Variants in TRPM7 observed in about 807,000 individuals in gnomAD.
The protein encoded by TRPM7 is transient receptor potential cation channel subfamily M member 7.
TRPM7 carries 134 observed loss-of-function variants against 229.7 expected under a neutral mutation model. That is an observed-to-expected ratio of 0.58 (90% CI 0.51 to 0.67). The LOEUF (loss-of-function observed/expected upper bound fraction) is 0.67, where lower values mean the gene tolerates loss of function less well. TRPM7 is among the 30% of genes least tolerant of loss of function. The pLI, the probability that TRPM7 is intolerant of heterozygous loss-of-function variation, is 0.00. For synonymous variants in TRPM7, 699 were observed against 715.2 expected, an observed-to-expected ratio of 0.98 and a Z score of 0.36; for missense variants, 1,901 against 2,210.0, an observed-to-expected ratio of 0.86 and a Z score of 2.80.
In TRPM7 at chr15:50,557,565, T is replaced by C. The variant is rs993264067; in HGVS notation, c.*4113A>G. Reference sequence around the variant, plus strand: ...TCTATAATTTCCAATACAATCAACATGTATTACTTGTAAAATAATAGCATA... The same window carrying C: ...TCTATAATTTCCAATACAATCAACACGTATTACTTGTAAAATAATAGCATA... On this transcript the variant is annotated 3_prime_UTR_variant, in exon 39 of 39. Coordinates refer to ENST00000646667, the MANE Select transcript of TRPM7 (RefSeq NM_017672.6). The C allele has an allele frequency of 2.0e-5, 3 of 152,258 alleles. No homozygotes were observed. Among genetic ancestry groups the C allele is most frequent in the Non-Finnish European group, 4.4e-5 (3 of 68,042 alleles). The allele number at this position is 152,258 out of a possible 1,614,324, so 9.4% of individuals were successfully genotyped here. A position where few individuals can be genotyped will look rare whatever the true frequency, so the allele number is the denominator to read the frequency against.
At chr15:50,598,395 G>A (rs930553951) in intron 22 of TRPM7, among the ~76,000 whole-genome samples, 4 of 152,170 alleles carry the variant, frequency 2.6e-5, no homozygotes, top group Non-Finnish European at 5.9e-5. Flanking sequence ...GAATCAGTGG[G>A]AGTTACGTCA....
intron 5 of TRPM7, among the ~76,000 whole-genome samples, chr15:50,642,941 T>C (rs1454979532): frequency 1.3e-5 from 2 of 151,932 alleles, no homozygotes; most frequent in Non-Finnish European, 2.9e-5. Flanking sequence ...TTATCAAGAG[T>C]TAAGTATATC....
chr15:50,612,308 T>C (rs1203870198), intron 16 of TRPM7, among the ~76,000 whole-genome samples: 3 of 152,146 alleles, frequency 2.0e-5, no homozygotes, highest in African/African-American at 7.2e-5. Context: ...CCAGGCTGCA[T>C]TTCTTCTTTC....
intron 15 of TRPM7, among the ~76,000 whole-genome samples, chr15:50,613,395 G>C (rs964142933): frequency 6.6e-6 from 1 of 151,366 alleles, no homozygotes; most frequent in African/African-American, 2.4e-5. Context: ...TCAGCTACTC[G>C]GGAGGCTGAG....
intron 21 of TRPM7, among the ~76,000 whole-genome samples, chr15:50,600,186 C>T (rs1290269201): frequency 6.6e-6 from 1 of 152,172 alleles, no homozygotes; most frequent in African/African-American, 2.4e-5. Flanking sequence ...CCTGTAATCC[C>T]AGCACTTCGG....
At chr15:50,613,919 A>G (rs1357420006) in intron 14 of TRPM7, 78 bp from the exon 15 acceptor site, 1 of 1,492,898 alleles carries the variant, frequency 6.7e-7, no homozygotes, top group Non-Finnish European at 9.1e-7. Flanking sequence ...CAATTTATAT[A>G]TGTGTGCAAA....
intron 1 of TRPM7, among the ~76,000 whole-genome samples, chr15:50,684,271 G>A (rs2062309577): frequency 6.6e-6 from 1 of 151,660 alleles, no homozygotes; most frequent in Admixed American, 6.6e-5. Context: ...TCCTGCCTTA[G>A]CCTCCTGAGT....
At chr15:50,632,148 C>A (rs1287389329) in intron 9 of TRPM7, among the ~76,000 whole-genome samples, 3 of 151,992 alleles carry the variant, frequency 2.0e-5, no homozygotes, top group Non-Finnish European at 4.4e-5. Context: ...AGTCAAAATA[C>A]AAAAATTAGC....
intron 38 of TRPM7, among the ~76,000 whole-genome samples, chr15:50,565,122 C>T (rs1041803147): frequency 6.6e-6 from 1 of 151,948 alleles, no homozygotes; most frequent in East Asian, 1.9e-4. Flanking sequence ...GCTGGGATTA[C>T]AGGCACCCAC....
rs186308342 is a variant in TRPM7 at position 50,592,778 on chromosome 15, C to T, written c.3609-152G>A. On this transcript the variant is annotated intron_variant, in intron 25 of 38. Transcript: ENST00000646667. ...GGTACAGTTATTTAATTATACAAGG[C>T]CTACCTTATGTTTAAGAAGGATCCA... is the stretch of plus-strand genomic sequence containing the variant. The T allele has an allele frequency of 5.0e-6, 3 of 598,864 alleles. No individual in the cohort carries two copies. In the East Asian group the frequency reaches 8.6e-5, roughly 17 times the overall value. The allele number at this position is 598,864 out of a possible 1,614,324, so 37.1% of individuals were successfully genotyped here.
intron 3 of TRPM7, 50 bp from the exon 4 acceptor site, chr15:50,648,935 T>TG (rs1458779016): frequency 7.0e-7 from 1 of 1,435,100 alleles, no homozygotes; most frequent in African/African-American, 1.4e-5. Context: ...TTAGAGTTAA[T>TG]GAAAAAATGG....
At chr15:50,613,982 A>T (rs2060141304) in intron 14 of TRPM7, 141 bp from the exon 15 acceptor site, 1 of 1,334,746 alleles carries the variant, frequency 7.5e-7, no homozygotes, top group Non-Finnish European at 1.0e-6. Context: ...TGACGACATA[A>T]TATTTCTAAT....
At chr15:50,632,137 T>C (rs994484703) in intron 9 of TRPM7, among the ~76,000 whole-genome samples, 9 of 152,004 alleles carry the variant, frequency 5.9e-5, no homozygotes, top group Admixed American at 5.2e-4. Context: ...ACACCGCCTC[T>C]AGTCAAAATA....
At position 50,654,979 on chromosome 15, in the gene TRPM7, C is replaced by T. The variant is rs71471507; in HGVS notation, c.122+2802G>A. The stretch of plus-strand genomic sequence containing the variant: ...CTGCGCCACTGCACTCCAGCGTGGG[C>T]GACAGAGTGACACTCCGTCTCAAAA... On this transcript the variant is annotated intron_variant, in intron 3 of 38. Transcript: ENST00000646667. Among the ~76,000 whole-genome samples the T allele has an allele frequency of 2.0e-4, 25 of 127,320 alleles. 2 individuals carry two copies. Among genetic ancestry groups the T allele is most frequent in the African/African-American group, 3.9e-4 (13 of 33,440 alleles). The allele number at this position is 127,320 out of a possible 152,430, so 83.5% of individuals were successfully genotyped here. A position where few individuals can be genotyped will look rare whatever the true frequency, so the allele number is the denominator to read the frequency against.
chr15:50,683,742 A>G (rs1482283620), intron 1 of TRPM7, among the ~76,000 whole-genome samples: 1 of 152,146 alleles, frequency 6.6e-6, no homozygotes, highest in East Asian at 1.9e-4. Context: ...ATAAAACAAC[A>G]ACAACAAAAA....
At chr15:50,609,319 T>G (rs1295248613) in intron 19 of TRPM7, among the ~76,000 whole-genome samples, 1 of 152,174 alleles carries the variant, frequency 6.6e-6, no homozygotes, top group Non-Finnish European at 1.5e-5. Context: ...TTGATTAGTA[T>G]TTGCTACCAA....
intron 6 of TRPM7, among the ~76,000 whole-genome samples, chr15:50,638,047 T>C (rs2060960497): frequency 6.6e-6 from 1 of 152,006 alleles, no homozygotes; most frequent in Non-Finnish European, 1.5e-5. Flanking sequence ...TGAAACCCCA[T>C]CTCTACTAAA....
chr15:50,685,652 A>T (rs945643948), intron 1 of TRPM7, among the ~76,000 whole-genome samples: 3 of 152,224 alleles, frequency 2.0e-5, no homozygotes, highest in Non-Finnish European at 4.4e-5. Flanking sequence ...ATCAAATTCA[A>T]GTACTGACCA....
intron 4 of TRPM7, among the ~76,000 whole-genome samples, 192 bp from the exon 5 acceptor site, chr15:50,643,745 G>A (rs967196658): frequency 2.0e-5 from 3 of 151,074 alleles, no homozygotes; most frequent in African/African-American, 7.4e-5. Flanking sequence ...AAATCATTCT[G>A]TGAGATCTAC....
Sources: allele counts gnomAD v4.1 joint callset (sites outside exome capture counted in the v4.1 genomes callset), GRCh38; gene constraint gnomAD v4.1.1; transcripts MANE v1.5; gene names NCBI Gene and HGNC (gene_info 2026-07-23, HGNC 2026-07-21).